C1QTNF3: variants seen among roughly 807,000 people sequenced by gnomAD.
C1QTNF3 encodes complement C1q tumor necrosis factor-related protein 3.
In C1QTNF3, 26 loss-of-function variants were observed where a neutral mutation model predicts 32.6. The ratio of observed to expected loss-of-function variants is 0.80; its 90% CI spans 0.58 to 1.11. The LOEUF (loss-of-function observed/expected upper bound fraction) is 1.11, where lower values mean the gene tolerates loss of function less well. C1QTNF3 is among the 50% of genes least tolerant of loss of function. The pLI, the probability that C1QTNF3 is intolerant of heterozygous loss-of-function variation, is 0.00. For synonymous variants in C1QTNF3, 155 were observed against 146.0 expected (o/e 1.06, Z -0.44); for missense variants, 362 against 398.2 (o/e 0.91, Z 0.77).
the C1QTNF3 span, among the ~76,000 whole-genome samples, chr5:34,182,460 G>C: frequency 0.012 from 1,668 of 138,392 alleles, no homozygotes; most frequent in South Asian, 0.037. Context: ...CTGGGTGACA[G>C]AGTGAGACCA....
chr5:34,216,054 C>T, the C1QTNF3 span, among the ~76,000 whole-genome samples: 8 of 152,192 alleles, frequency 5.3e-5, no homozygotes, highest in Admixed American at 4.6e-4. Context: ...TATATTCCAT[C>T]TTCTCACTCT....
At chr5:34,238,649 C>G in the C1QTNF3 span, among the ~76,000 whole-genome samples, 1 of 151,130 alleles carries the variant, frequency 6.6e-6, no homozygotes, top group African/African-American at 2.4e-5. Flanking sequence ...ATAAAGAGAC[C>G]AAATCTACGA....
intron 4 of C1QTNF3, chr5:34,024,533 G>A (rs1754415410): frequency 6.5e-6 from 1 of 154,058 alleles, no homozygotes; most frequent in African/African-American, 2.4e-5. Flanking sequence ...AATGGTTCTG[G>A]TAATTTCTCA....
chr5:34,094,315 T>C, the C1QTNF3 span, among the ~76,000 whole-genome samples: 3 of 152,116 alleles, frequency 2.0e-5, no homozygotes, highest in South Asian at 6.2e-4. Flanking sequence ...GCAAAGTTTC[T>C]GGTAATACAG....
chr5:34,195,671 C>G, the C1QTNF3 span, among the ~76,000 whole-genome samples: 2 of 152,004 alleles, frequency 1.3e-5, no homozygotes, highest in Non-Finnish European at 2.9e-5. Context: ...AAAACCCCGT[C>G]TCTACTAAAA....
chr5:34,140,199 G>A, the C1QTNF3 span, among the ~76,000 whole-genome samples: 1 of 152,184 alleles, frequency 6.6e-6, no homozygotes, highest in East Asian at 1.9e-4. Flanking sequence ...AAATGTCACT[G>A]CAGAAGGAAG....
At chr5:34,033,256 G>C (rs763907096) in intron 3 of C1QTNF3, 48 bp downstream of exon 3, 1 of 1,594,878 alleles carries the variant, frequency 6.3e-7, no homozygotes, top group Admixed American at 1.8e-5. Flanking sequence ...GCCCCTTTTG[G>C]TCAGGCAGGT....
chr5:34,240,908 A>G, the C1QTNF3 span, among the ~76,000 whole-genome samples: 2 of 152,218 alleles, frequency 1.3e-5, no homozygotes, highest in Non-Finnish European at 2.9e-5. Flanking sequence ...CAGCGTATCA[A>G]AAAATTAATC....
At chr5:34,139,530 C>T in the C1QTNF3 span, among the ~76,000 whole-genome samples, 1 of 152,030 alleles carries the variant, frequency 6.6e-6, no homozygotes, top group Non-Finnish European at 1.5e-5. Flanking sequence ...ATCAATTCAA[C>T]TATCATAGAA....
chr5:34,176,424 A>C, the C1QTNF3 span, among the ~76,000 whole-genome samples: 48 of 109,796 alleles, frequency 4.4e-4, no homozygotes, highest in Non-Finnish European at 9.5e-4. Flanking sequence ...AAATACAAAA[A>C]AAAAAGCCAA....
the C1QTNF3 span, among the ~76,000 whole-genome samples, chr5:34,203,277 C>A: frequency 9.8e-3 from 1,490 of 152,142 alleles, 24 homozygotes; most frequent in African/African-American, 0.034. Flanking sequence ...AAAATAACCC[C>A]AAAGAACTTA....
the C1QTNF3 span, among the ~76,000 whole-genome samples, chr5:34,108,015 A>G: frequency 6.6e-6 from 1 of 152,094 alleles, no homozygotes; most frequent in African/African-American, 2.4e-5. Context: ...GCGAACCTAC[A>G]TTAATTAAAC....
chr5:34,087,508 T>C, the C1QTNF3 span, among the ~76,000 whole-genome samples: 1 of 151,750 alleles, frequency 6.6e-6, no homozygotes, highest in Non-Finnish European at 1.5e-5. Context: ...AATTTAATTG[T>C]ATAAGATATC....
At chr5:34,141,798 G>C in the C1QTNF3 span, among the ~76,000 whole-genome samples, 2 of 152,134 alleles carry the variant, frequency 1.3e-5, no homozygotes, top group Non-Finnish European at 2.9e-5. Flanking sequence ...AGCTCAGAGT[G>C]TCTGGGTGCT....
At chr5:34,022,709 G>T (rs183885964) in intron 5 of C1QTNF3, among the ~76,000 whole-genome samples, 97 of 152,312 alleles carry the variant, frequency 6.4e-4, no homozygotes, top group Non-Finnish European at 1.3e-3. Flanking sequence ...GGAAAACAAT[G>T]TGACTAAGTT....
At chr5:34,140,083 T>C in the C1QTNF3 span, among the ~76,000 whole-genome samples, 6 of 152,214 alleles carry the variant, frequency 3.9e-5, no homozygotes, top group Non-Finnish European at 5.9e-5. Flanking sequence ...ATGGAAGCTA[T>C]AGCCATTGAA....
At chr5:34,221,186 C>T in the C1QTNF3 span, among the ~76,000 whole-genome samples, 1 of 152,028 alleles carries the variant, frequency 6.6e-6, no homozygotes, top group Non-Finnish European at 1.5e-5. Flanking sequence ...CAAGATATCA[C>T]AAGGTCAAGG....
chr5:34,224,291 G>A, the C1QTNF3 span, among the ~76,000 whole-genome samples: 2 of 152,286 alleles, frequency 1.3e-5, 1 homozygote, highest in South Asian at 4.1e-4. Context: ...CACAGAATTG[G>A]AAATAACTAC....
the C1QTNF3 span, among the ~76,000 whole-genome samples, chr5:34,216,455 A>G: frequency 1.3e-5 from 2 of 152,062 alleles, no homozygotes; most frequent in South Asian, 2.1e-4. Flanking sequence ...AAGCATTTAG[A>G]AAGATTTTTT....
Sources: allele counts gnomAD v4.1 joint callset (sites outside exome capture counted in the v4.1 genomes callset), GRCh38; gene constraint gnomAD v4.1.1; transcripts MANE v1.5; gene names NCBI Gene and HGNC (gene_info 2026-07-23, HGNC 2026-07-21).